The following REEP1 variants were observed in gnomAD, a reference collection of about 807,000 sequenced individuals.
The protein encoded by REEP1 is receptor accessory protein 1, also known as receptor expression-enhancing protein 1.
In REEP1, 22 loss-of-function variants were observed where a neutral mutation model predicts 40.3. The observed-to-expected ratio is 0.55, with a 90% CI of 0.39 to 0.78. The LOEUF (loss-of-function observed/expected upper bound fraction) is 0.78, where lower values mean the gene tolerates loss of function less well. Among genes scored for constraint, REEP1 ranks in the 30% least tolerant of loss-of-function variants. The pLI is 0.00. For missense variants in REEP1, 280 were observed against 361.1 expected, an observed-to-expected ratio of 0.78 and a Z score of 1.82; for synonymous variants, 116 against 139.2, an observed-to-expected ratio of 0.83 and a Z score of 1.17.
intron 1 of REEP1, among the ~76,000 whole-genome samples, chr2:86,314,067 C>CTAATG (rs1222103101): frequency 1.3e-5 from 2 of 152,302 alleles, no homozygotes; most frequent in East Asian, 3.9e-4. Flanking sequence ...AAGTAGCAGA[C>CTAATG]TAATGGGAAG....
intron 3 of REEP1, among the ~76,000 whole-genome samples, chr2:86,260,589 A>C (rs1235525147): frequency 1.3e-5 from 2 of 152,238 alleles, no homozygotes; most frequent in African/African-American, 4.8e-5. Context: ...GATCCTCCCT[A>C]ACTGGTGGCA....
At chr2:86,289,429 C>T (rs1312774581) in intron 1 of REEP1, among the ~76,000 whole-genome samples, 1 of 152,124 alleles carries the variant, frequency 6.6e-6, no homozygotes, top group East Asian at 1.9e-4. Context: ...TATTAACAAC[C>T]ATGACTTTAT....
At chr2:86,269,947 G>A (rs1358025095) in intron 2 of REEP1, among the ~76,000 whole-genome samples, 1 of 151,692 alleles carries the variant, frequency 6.6e-6, no homozygotes. Flanking sequence ...TACAGGACTT[G>A]TATTCAACAT....
chr2:86,247,733 G>A (rs756150456), intron 5 of REEP1, among the ~76,000 whole-genome samples: 1 of 151,920 alleles, frequency 6.6e-6, no homozygotes, highest in Non-Finnish European at 1.5e-5. Flanking sequence ...ACCACACCAG[G>A]CTAATTTTTG....
At chr2:86,233,817 G>A (rs76144982) in intron 5 of REEP1, among the ~76,000 whole-genome samples, 4,628 of 152,120 alleles carry the variant, frequency 0.03, 118 homozygotes, top group East Asian at 0.075. Context: ...GGGTTCCCTC[G>A]GGTGCATGGC....
chr2:86,247,447 C>G (rs1676034584), intron 5 of REEP1, among the ~76,000 whole-genome samples: 1 of 151,970 alleles, frequency 6.6e-6, no homozygotes, highest in Non-Finnish European at 1.5e-5. Context: ...ACCTATAATC[C>G]CAGCTACTTG....
intron 2 of REEP1, among the ~76,000 whole-genome samples, chr2:86,273,727 C>T (rs935565661): frequency 2.0e-5 from 3 of 152,292 alleles, no homozygotes; most frequent in Middle Eastern, 3.4e-3. Context: ...TCAGCAAAAA[C>T]GTGACCTCCT....
intron 1 of REEP1, among the ~76,000 whole-genome samples, chr2:86,283,995 G>T (rs1409997739): frequency 6.6e-6 from 1 of 152,114 alleles, no homozygotes; most frequent in African/African-American, 2.4e-5. Flanking sequence ...GAGAGTAGTG[G>T]AAGGAAGGGG....
chr2:86,228,059 C>T (rs984481834), intron 6 of REEP1, among the ~76,000 whole-genome samples: 3 of 152,172 alleles, frequency 2.0e-5, no homozygotes, highest in Non-Finnish European at 4.4e-5. Context: ...CCTGCCCTGA[C>T]CCTTTAAGCA....
rs545566050 is a variant in REEP1 at position 86,320,921 on chromosome 2, C to A, written c.32+16558G>T. 3.9e-5 allele frequency among the ~76,000 whole-genome samples: 6 copies of A among 152,340 alleles called. No homozygotes were observed. The South Asian group carries it at 1.2e-3, about 32-fold the overall frequency. Reference sequence around the variant, plus strand: ...GCAACCTCCGCCTCCTGGGTTCAAGCGATTCTCCTGCCTCAGCCTCCTGAG... The same window carrying A: ...GCAACCTCCGCCTCCTGGGTTCAAGAGATTCTCCTGCCTCAGCCTCCTGAG... On this transcript the variant is annotated intron_variant, in intron 1 of 8. Transcript: ENST00000538924.
At chr2:86,320,933 C>A (rs1279496931) in intron 1 of REEP1, among the ~76,000 whole-genome samples, 3 of 152,240 alleles carry the variant, frequency 2.0e-5, no homozygotes. Context: ...ATTCTCCTGC[C>A]TCAGCCTCCT....
At chr2:86,246,785 T>C (rs1308302062) in intron 5 of REEP1, among the ~76,000 whole-genome samples, 1 of 150,528 alleles carries the variant, frequency 6.6e-6, no homozygotes, top group African/African-American at 2.4e-5. Context: ...TACCGCGACC[T>C]CCACCTCCTG....
chr2:86,325,321 G>A (rs919129129), intron 1 of REEP1, among the ~76,000 whole-genome samples: 1 of 152,162 alleles, frequency 6.6e-6, no homozygotes, highest in African/African-American at 2.4e-5. Flanking sequence ...CCTTTCTTTA[G>A]GTTGTTCTTA....
chr2:86,285,803 A>G (rs961956244), intron 1 of REEP1, among the ~76,000 whole-genome samples: 28 of 152,212 alleles, frequency 1.8e-4, no homozygotes, highest in African/African-American at 6.3e-4. Flanking sequence ...TCTGTCTCCA[A>G]GGAACTCAGC....
intron 5 of REEP1, among the ~76,000 whole-genome samples, chr2:86,239,055 CT>C (rs1377218816): frequency 2.6e-5 from 4 of 151,930 alleles, no homozygotes; most frequent in African/African-American, 7.2e-5. Flanking sequence ...CTCTTTTGTC[CT>C]TTTATAATTC....
chr2:86,272,275 C>A, intron 2 of REEP1, among the ~76,000 whole-genome samples: 1 of 152,220 alleles, frequency 6.6e-6, no homozygotes, highest in East Asian at 1.9e-4. Context: ...CTACAAACTT[C>A]TCCAGTGAGT....
intron 1 of REEP1, among the ~76,000 whole-genome samples, chr2:86,289,912 T>A (rs988071556): frequency 1.3e-5 from 2 of 152,158 alleles, no homozygotes; most frequent in African/African-American, 2.4e-5. Flanking sequence ...TCAAAAGCAT[T>A]TGGAGTCTCA....
intron 1 of REEP1, among the ~76,000 whole-genome samples, chr2:86,318,468 G>A (rs550925211): frequency 1.2e-4 from 17 of 144,998 alleles, no homozygotes; most frequent in Non-Finnish European, 1.3e-4. Flanking sequence ...GTATGATCTC[G>A]GCCCACTGCA....
chr2:86,296,510 C>T (rs1678990933), intron 1 of REEP1, among the ~76,000 whole-genome samples: 1 of 152,200 alleles, frequency 6.6e-6, no homozygotes. Flanking sequence ...ACCACAAGTC[C>T]TTGGCTTTGC....
Sources: gnomAD v4.1 joint callset for allele counts (sites outside exome capture counted in the v4.1 genomes callset) on GRCh38, gnomAD v4.1.1 for gene constraint, MANE v1.5 for transcripts, NCBI Gene and HGNC (gene_info 2026-07-23, HGNC 2026-07-21) for gene names.